NRG3: variants seen among roughly 807,000 people sequenced by gnomAD.
The protein encoded by NRG3 is pro-neuregulin-3, membrane-bound isoform.
NRG3 carries 31 observed loss-of-function variants against 66.9 expected under a neutral mutation model. That is an observed-to-expected ratio of 0.46 (90% CI 0.35 to 0.63). The LOEUF is 0.63. Among genes scored for constraint, NRG3 ranks in the 20% least tolerant of loss-of-function variants. The pLI is 0.00. For missense variants in NRG3, 910 were observed against 878.9 expected (o/e 1.04, Z -0.45); for synonymous variants, 393 against 359.4 (o/e 1.09, Z -1.06).
chr10:82,570,319 T>A lies in NRG3; in HGVS notation c.954-168258T>A, dbSNP rs71485112. On this transcript the variant is annotated intron_variant, in intron 2 of 8. Transcript: ENST00000372141. ...CTGTAGCCTCATCTCCTGTCAAACA[T>A]AATGTTCTCTCTACAATTTTGTCTT... Among the ~76,000 whole-genome samples, 889 of 151,782 alleles carry A rather than the reference T, an allele frequency of 5.9e-3. 7 individuals are homozygous for A. The highest frequency in any genetic ancestry group is 8.3e-3 in the Non-Finnish European group (561 of 67,736).
chr10:81,888,074 G>A (rs1011228270), intron 1 of NRG3, among the ~76,000 whole-genome samples: 1 of 152,104 alleles, frequency 6.6e-6, no homozygotes, highest in Admixed American at 6.6e-5. Context: ...GAGTTTATAG[G>A]TTTTTCCATG....
At chr10:82,974,015 T>A (rs1309799964) in intron 7 of NRG3, 100 bp downstream of exon 7, 1 of 1,342,366 alleles carries the variant, frequency 7.4e-7, no homozygotes, top group Non-Finnish European at 1.0e-6. Context: ...GAGAGACAAC[T>A]GTTCTTGCTT....
At chr10:82,383,041 G>A (rs570522361) in intron 2 of NRG3, among the ~76,000 whole-genome samples, 12 of 151,800 alleles carry the variant, frequency 7.9e-5, no homozygotes, top group African/African-American at 7.2e-5. Flanking sequence ...TTTATTTCAC[G>A]GAATACCTTC....
chr10:82,460,242 C>G (rs920284820), intron 2 of NRG3, among the ~76,000 whole-genome samples: 2 of 152,122 alleles, frequency 1.3e-5, no homozygotes, highest in African/African-American at 4.8e-5. Flanking sequence ...CACAGTAGAG[C>G]GCTTAAGGGT....
At chr10:82,925,763 C>T (rs1481174065) in intron 4 of NRG3, among the ~76,000 whole-genome samples, 1 of 152,198 alleles carries the variant, frequency 6.6e-6, no homozygotes, top group Non-Finnish European at 1.5e-5. Flanking sequence ...TTGGTCAGAG[C>T]AGTGAGAATA....
At chr10:82,119,843 T>C (rs1340442858) in intron 1 of NRG3, among the ~76,000 whole-genome samples, 1 of 152,106 alleles carries the variant, frequency 6.6e-6, no homozygotes, top group Non-Finnish European at 1.5e-5. Flanking sequence ...GAATGACGTT[T>C]CTGAAAACAC....
In NRG3 at chr10:81,889,312, G is replaced by C. The variant is rs183671247; in HGVS notation, c.823+13149G>C. ...GGAATTGAATGCTGACATCGCATCA[G>C]ATTCAAAAGGAATGCTGCTGTTGAT... On this transcript the variant is annotated intron_variant, in intron 1 of 8. Coordinates refer to ENST00000372141, the MANE Select transcript of NRG3 (RefSeq NM_001010848.4). The C allele has an allele frequency of 3.3e-5, 5 of 152,296 alleles. No homozygotes were observed. In the East Asian group the frequency reaches 9.6e-4, roughly 29 times the overall value. 9.4% of individuals were successfully genotyped at this position (152,296 alleles called of 1,614,324 possible).
chr10:82,525,976 G>A (rs1490645751), intron 2 of NRG3, among the ~76,000 whole-genome samples: 1 of 151,860 alleles, frequency 6.6e-6, no homozygotes, highest in Non-Finnish European at 1.5e-5. Flanking sequence ...AGACAGCCAG[G>A]AAGAAAGATC....
intron 1 of NRG3, among the ~76,000 whole-genome samples, chr10:82,226,561 G>T (rs1224558270): frequency 6.6e-6 from 1 of 152,054 alleles, no homozygotes; most frequent in African/African-American, 2.4e-5. Context: ...AATAATGCTA[G>T]CCCTTATATC....
At chr10:82,090,965 G>A (rs959656264) in intron 1 of NRG3, among the ~76,000 whole-genome samples, 1 of 152,124 alleles carries the variant, frequency 6.6e-6, no homozygotes, top group African/African-American at 2.4e-5. Context: ...GGAGCATAAC[G>A]GTGCAGTGTG....
chr10:82,424,324 T>G (rs1368883824), intron 2 of NRG3, among the ~76,000 whole-genome samples: 1 of 152,042 alleles, frequency 6.6e-6, no homozygotes, highest in Non-Finnish European at 1.5e-5. Context: ...ATTGTCTGCC[T>G]TTTTTGATAT....
At chr10:82,441,246 A>G (rs1415180552) in intron 2 of NRG3, among the ~76,000 whole-genome samples, 1 of 152,236 alleles carries the variant, frequency 6.6e-6, no homozygotes, top group Non-Finnish European at 1.5e-5. Context: ...CAAACAAAAA[A>G]TGTCAATTTG....
chr10:82,052,291 C>G (rs1201876169), intron 1 of NRG3, among the ~76,000 whole-genome samples: 7 of 152,152 alleles, frequency 4.6e-5, no homozygotes, highest in Non-Finnish European at 4.4e-5. Context: ...CACCAGTACT[C>G]TTTCAGATGA....
At chr10:82,037,918 A>C (rs918902523) in intron 1 of NRG3, among the ~76,000 whole-genome samples, 2 of 151,986 alleles carry the variant, frequency 1.3e-5, no homozygotes, top group Non-Finnish European at 2.9e-5. Flanking sequence ...TGTGGCATAC[A>C]GAAGGTGCTC....
At chr10:82,136,728 G>C (rs2069384926) in intron 1 of NRG3, among the ~76,000 whole-genome samples, 1 of 152,080 alleles carries the variant, frequency 6.6e-6, no homozygotes, top group Non-Finnish European at 1.5e-5. Context: ...TCTTTATTCA[G>C]CAGAACTTGG....
In NRG3 at chr10:81,875,977, C is replaced by G. The variant is rs1394428723; in HGVS notation, c.637C>G (p.Pro213Ala). The change falls in exon 1 of 9, where the codon CCA becomes GCA. Residue 213 changes from proline to alanine, a missense_variant. Coordinates refer to ENST00000372141, the MANE Select transcript of NRG3 (RefSeq NM_001010848.4). The surrounding 1 kb of genome is among the most constrained non-coding windows in gnomAD (Gnocchi z 5.3). ...CACGCTGGGCTCCCGACCCCCGGTG[C>G]CAGGAACTCCAAGTACCCAGGCAAT... ...SSTLGSRPPV[P>A]GTPSTQAMPS... The G allele has an allele frequency of 6.2e-7, 1 of 1,614,052 alleles. No individual in the cohort carries two copies. The highest frequency in any genetic ancestry group is 1.7e-5 in the Admixed American group (1 of 60,024).
intron 1 of NRG3, among the ~76,000 whole-genome samples, chr10:82,052,863 G>T (rs541106204): frequency 6.6e-6 from 1 of 152,176 alleles, no homozygotes; most frequent in South Asian, 2.1e-4. Flanking sequence ...TTTTCTTTTG[G>T]TCTTGTTTCC....
rs141062052 is a variant in NRG3 at position 81,879,403 on chromosome 10, G to A, written c.823+3240G>A. Among the ~76,000 whole-genome samples, 77 of 152,220 alleles carry A rather than the reference G, an allele frequency of 5.1e-4. No individual in the cohort carries two copies. In the East Asian group the frequency reaches 0.012, roughly 23 times the overall value. ...TCCCTTTTACAGCGCCTTCAATTTCGTTTTCAGATTTGAAATATAGTTGTA... is the reference window on the plus strand; with the variant it reads ...TCCCTTTTACAGCGCCTTCAATTTCATTTTCAGATTTGAAATATAGTTGTA... On this transcript the variant is annotated intron_variant, in intron 1 of 8. Coordinates refer to ENST00000372141, the MANE Select transcript of NRG3 (RefSeq NM_001010848.4).
intron 2 of NRG3, among the ~76,000 whole-genome samples, chr10:82,383,409 T>C (rs1289396648): frequency 7.2e-6 from 1 of 138,432 alleles, no homozygotes; most frequent in East Asian, 2.2e-4. Context: ...ATTTAAACAA[T>C]TTATGTTTTT....
Sources: gnomAD v4.1 joint callset for allele counts (sites outside exome capture counted in the v4.1 genomes callset) on GRCh38, gnomAD v4.1.1 for gene constraint, Gnocchi (gnomAD v3.1) non-coding constraint, MANE v1.5 for transcripts, NCBI Gene and HGNC (gene_info 2026-07-23, HGNC 2026-07-21) for gene names.